SAG: variants seen among roughly 807,000 people sequenced by gnomAD.
SAG encodes the protein S-antigen visual arrestin, also known as S-arrestin.
Under a neutral mutation model 55.0 loss-of-function variants are expected in SAG, and 45 were observed. That is an observed-to-expected ratio of 0.82 (90% confidence interval 0.64 to 1.05). The LOEUF (loss-of-function observed/expected upper bound fraction) is 1.05, where lower values mean the gene tolerates loss of function less well. Among genes scored for constraint, SAG ranks in the 50% least tolerant of loss-of-function variants. The pLI is 0.00. For missense variants in SAG, 455 were observed against 512.1 expected, an observed-to-expected ratio of 0.89 and a Z score of 1.08; for synonymous variants, 189 against 197.4, an observed-to-expected ratio of 0.96 and a Z score of 0.36.
chr2:233,342,218 A>G (rs1701126652), intron 13 of SAG, 53 bp from the exon 14 acceptor site: 1 of 1,357,334 alleles, frequency 7.4e-7, no homozygotes, highest in African/African-American at 1.4e-5. Context: ...TTGCTGTGTT[A>G]CTTACAATTG....
chr2:233,320,958 A>G (rs1030763983), intron 5 of SAG, 135 bp downstream of exon 5: 4 of 717,872 alleles, frequency 5.6e-6, no homozygotes, highest in Admixed American at 3.1e-5. Flanking sequence ...AAGAAATTCT[A>G]GATTGCATGG....
intron 2 of SAG, among the ~76,000 whole-genome samples, chr2:233,310,073 T>C (rs1005528079): frequency 5.3e-5 from 8 of 152,318 alleles, no homozygotes; most frequent in Middle Eastern, 3.4e-3. Flanking sequence ...AATGCCCCAG[T>C]CTGCCCCCTT....
chr2:233,336,171 G>A (rs1428997904), intron 11 of SAG, among the ~76,000 whole-genome samples: 1 of 152,206 alleles, frequency 6.6e-6, no homozygotes, highest in Non-Finnish European at 1.5e-5. Context: ...GAACAATGAT[G>A]GCTCACCACA....
At chr2:233,346,725 G>A (rs1701263129) in intron 15 of SAG, 82 bp from the exon 16 acceptor site, 8 of 978,732 alleles carry the variant, frequency 8.2e-6, no homozygotes, top group South Asian at 2.8e-5. Context: ...CAGTTCCTTC[G>A]TTGCAAAAAG....
intron 7 of SAG, chr2:233,327,508 A>G (rs976043884): frequency 1.1e-5 from 3 of 262,786 alleles, no homozygotes; most frequent in Admixed American, 5.1e-5. Flanking sequence ...TAAAATGTAC[A>G]CAACATGAAG....
chr2:233,315,267 G>A (rs1281329719), intron 2 of SAG, among the ~76,000 whole-genome samples: 2 of 141,168 alleles, frequency 1.4e-5, no homozygotes, highest in African/African-American at 2.6e-5. Context: ...ACCTCTTTGC[G>A]TTGTCCAGAA....
At position 233,314,491 on chromosome 2, in the gene SAG, G is replaced by A. The variant is rs370254059; in HGVS notation, c.76-1584G>A. On this transcript the variant is annotated intron_variant, in intron 2 of 15. Coordinates refer to ENST00000409110, the MANE Select transcript of SAG (RefSeq NM_000541.5). ...ACCAGGGAATCTACTAGGGCAACAC[G>A]CCCTGGTCAGCCCCGCAGGGTGGAT... is the stretch of plus-strand genomic sequence containing the variant. Among the ~76,000 whole-genome samples the A allele has an allele frequency of 1.2e-4, 18 of 152,276 alleles. No homozygotes were observed. The South Asian group carries it at 2.9e-3, about 25-fold the overall frequency.
intron 8 of SAG, 146 bp downstream of exon 8, chr2:233,328,759 T>G: frequency 1.2e-6 from 1 of 841,492 alleles, no homozygotes; most frequent in Non-Finnish European, 1.8e-6. Flanking sequence ...CATGCGTAAG[T>G]GACTGGCCTG....
chr2:233,326,077 C>T (rs76744094), intron 6 of SAG, among the ~76,000 whole-genome samples: 1,670 of 152,114 alleles, frequency 0.011, 15 homozygotes, highest in East Asian at 0.027. Context: ...GAGGGCAGGC[C>T]GGTGCCCTCC....
Position 233,320,617 on chromosome 2 carries a change from A to G in SAG, c.182-13A>G, listed in dbSNP as rs201375215. 2.8e-4 allele frequency: 435 copies of G among 1,563,354 alleles called. 1 individual carries two copies. The African/African-American group carries it at 5.4e-3, about 19-fold the overall frequency. ...GAGGGCCAAGTCCGACCCTGCCTTCATCTCCCTTGCAGTGTATGTCACTCT... is the reference window on the plus strand; with the variant it reads ...GAGGGCCAAGTCCGACCCTGCCTTCGTCTCCCTTGCAGTGTATGTCACTCT... On this transcript the variant is annotated splice_polypyrimidine_tract_variant and intron_variant, in intron 4 of 15. Coordinates refer to ENST00000409110, the MANE Select transcript of SAG (RefSeq NM_000541.5).
intron 2 of SAG, among the ~76,000 whole-genome samples, chr2:233,310,068 C>T (rs1027840327): frequency 3.9e-5 from 6 of 152,182 alleles, no homozygotes; most frequent in African/African-American, 1.4e-4. Context: ...GGGAAAATGC[C>T]CCAGTCTGCC....
chr2:233,309,029 G>A (rs1700006664), intron 1 of SAG, 133 bp from the exon 2 acceptor site: 7 of 563,772 alleles, frequency 1.2e-5, no homozygotes, highest in Non-Finnish European at 6.4e-6. Flanking sequence ...CTCGGATGTT[G>A]AAGCCGGTAC....
intron 3 of SAG, among the ~76,000 whole-genome samples, chr2:233,317,919 T>G (rs1467004146): frequency 1.3e-5 from 2 of 152,228 alleles, no homozygotes; most frequent in Non-Finnish European, 2.9e-5. Context: ...CAATAGGATC[T>G]TTTTCTTTAC....
At chr2:233,338,817 C>T (rs769865860) in intron 12 of SAG, 64 bp downstream of exon 12, 14 of 1,359,556 alleles carry the variant, frequency 1.0e-5, no homozygotes, top group Non-Finnish European at 1.4e-5. Flanking sequence ...TGAACTTTTC[C>T]TTTCCTGAAT....
At chr2:233,324,964 G>A (rs552206772) in intron 6 of SAG, among the ~76,000 whole-genome samples, 99 of 152,292 alleles carry the variant, frequency 6.5e-4, no homozygotes, top group South Asian at 5.6e-3. Context: ...GGTGGCTCAT[G>A]CCTGTAATCC....
chr2:233,316,243 T>G (rs1410134958), intron 3 of SAG, 108 bp downstream of exon 3: 1 of 637,666 alleles, frequency 1.6e-6, no homozygotes, highest in African/African-American at 1.9e-5. Flanking sequence ...AATAAAGACA[T>G]GCAAATTAAA....
At chr2:233,343,124 C>T (rs1273623290) in intron 14 of SAG, 2 of 136,212 alleles carry the variant, frequency 1.5e-5, no homozygotes, top group Non-Finnish European at 3.1e-5. Flanking sequence ...GTCTCTGTCA[C>T]CCAGCTGGAG....
chr2:233,328,160 C>A, intron 7 of SAG: 1 of 278,660 alleles, frequency 3.6e-6, no homozygotes, highest in South Asian at 1.2e-4. Context: ...AGGCCCTTGA[C>A]GCCCTCACAC....
chr2:233,312,180 C>T (rs1184702742), intron 2 of SAG, among the ~76,000 whole-genome samples: 1 of 152,184 alleles, frequency 6.6e-6, no homozygotes, highest in Non-Finnish European at 1.5e-5. Flanking sequence ...CAACCACCAA[C>T]TACCCTCGAC....
Sources: gnomAD v4.1 joint callset for allele counts (sites outside exome capture counted in the v4.1 genomes callset) on GRCh38, gnomAD v4.1.1 for gene constraint, MANE v1.5 for transcripts, NCBI Gene and HGNC (gene_info 2026-07-23, HGNC 2026-07-21) for gene names.